TNKS: variants seen among roughly 807,000 people sequenced by gnomAD.
TNKS encodes the protein tankyrase, also known as poly [ADP-ribose] polymerase tankyrase-1.
TNKS carries 72 observed loss-of-function variants against 135.8 expected under a neutral mutation model. That is an observed-to-expected ratio of 0.53 (90% CI 0.44 to 0.64). The LOEUF is 0.64. TNKS is among the 30% of genes least tolerant of loss of function. TNKS has a pLI of 0.00. For missense variants in TNKS, 1,769 were observed against 1,674.0 expected (o/e 1.06, Z -0.99); for synonymous variants, 849 against 649.3 (o/e 1.31, Z -4.68).
intron 3 of TNKS, among the ~76,000 whole-genome samples, chr8:9,667,891 C>T (rs1802075727): frequency 1.4e-5 from 2 of 146,280 alleles, no homozygotes; most frequent in South Asian, 2.1e-4. Flanking sequence ...CTTTGAATCA[C>T]GTCATTTATT....
At position 9,726,682 on chromosome 8, in the gene TNKS, T is replaced by C. The variant is rs1805179849; in HGVS notation, c.1963T>C (p.Leu655=). 1 of 1,613,658 alleles carries C rather than the reference T, an allele frequency of 6.2e-7. No homozygotes were observed. Among genetic ancestry groups the C allele is most frequent in the African/African-American group, 1.3e-5 (1 of 75,038 alleles). Residue 655 remains leucine (L), a synonymous_variant, in exon 13 of 27, where the codon TTA becomes CTA. Transcript: ENST00000310430. ...IRTSDVDYRL[L]EASKAGDLET... ...TACTTCTGATGTTGATTATCGACTC[T>C]TAGAGGCATCTAAAGCTGGAGACTT...
intron 5 of TNKS, among the ~76,000 whole-genome samples, chr8:9,699,708 G>C (rs948632293): frequency 8.5e-5 from 13 of 152,124 alleles, no homozygotes; most frequent in Non-Finnish European, 1.6e-4. Context: ...TGCTGACAGC[G>C]TCATCATTTC....
intron 3 of TNKS, among the ~76,000 whole-genome samples, chr8:9,655,969 G>C (rs867466781): frequency 6.6e-6 from 1 of 152,096 alleles, no homozygotes; most frequent in Non-Finnish European, 1.5e-5. Flanking sequence ...GGTTTGAACC[G>C]ATGGCAAAGA....
chr8:9,752,639 G>GTA lies in TNKS; in HGVS notation c.3153+19_3153+20dup. 1 of 1,552,900 alleles carries GTA rather than the reference G, an allele frequency of 6.4e-7. No individual in the cohort carries two copies. Among genetic ancestry groups the GTA allele is most frequent in the Non-Finnish European group, 8.9e-7 (1 of 1,128,210 alleles). ...TGAAACAGAACAGGTAAATACTCTT[G>GTA]TATATATTTGAGTCATTTAAATTAA... On this transcript the variant is annotated intron_variant, in intron 20 of 26. Coordinates refer to ENST00000310430, the MANE Select transcript of TNKS (RefSeq NM_003747.3).
At chr8:9,588,142 A>G (rs1798457432) in intron 2 of TNKS, among the ~76,000 whole-genome samples, 1 of 152,224 alleles carries the variant, frequency 6.6e-6, no homozygotes, top group South Asian at 2.1e-4. Flanking sequence ...CTTAAAAAAA[A>G]TAAATTTTGT....
At chr8:9,585,941 A>G (rs563090397) in intron 2 of TNKS, among the ~76,000 whole-genome samples, 2 of 152,144 alleles carry the variant, frequency 1.3e-5, no homozygotes, top group Non-Finnish European at 2.9e-5. Flanking sequence ...TCCTTGAGTG[A>G]GTTGTTTACT....
chr8:9,755,950 T>C (rs975988034), intron 20 of TNKS, among the ~76,000 whole-genome samples: 4 of 152,228 alleles, frequency 2.6e-5, no homozygotes, highest in African/African-American at 9.6e-5. Flanking sequence ...CTATGTTGAA[T>C]AATATAGTAT....
At chr8:9,685,001 C>T (rs1286751626) in intron 5 of TNKS, among the ~76,000 whole-genome samples, 1 of 152,036 alleles carries the variant, frequency 6.6e-6, no homozygotes, top group Non-Finnish European at 1.5e-5. Flanking sequence ...GTATACCCTT[C>T]TGTAAGAAAC....
At chr8:9,772,425 T>C (rs1202711919) in intron 26 of TNKS, 6 of 455,560 alleles carry the variant, frequency 1.3e-5, no homozygotes, top group South Asian at 7.7e-5. Flanking sequence ...ATACATGATG[T>C]AAGTCTAATC....
In TNKS at chr8:9,556,412, G is replaced by T. The variant is rs748243099; in HGVS notation, c.473G>T (p.Gly158Val). Residue 158 changes from glycine (G) to valine (V), a missense_variant, in exon 1 of 27, where the codon GGA becomes GTA. This residue lies in a region of TNKS where 450 missense variants were observed against 304.9 expected (regional missense o/e 1.48). Coordinates refer to ENST00000310430, the MANE Select transcript of TNKS (RefSeq NM_003747.3). ...SSLAESPEAA[G>V]VSSTAPLGPG... ...TTGGCGGAGAGCCCCGAGGCGGCCGGAGTTAGCAGCACAGCACCACTGGGG... is the reference window on the plus strand; with the variant it reads ...TTGGCGGAGAGCCCCGAGGCGGCCGTAGTTAGCAGCACAGCACCACTGGGG... 5.0e-6 allele frequency: 8 copies of T among 1,614,084 alleles called. No individual in the cohort carries two copies. Among genetic ancestry groups the T allele is most frequent in the Non-Finnish European group, 2.5e-6 (3 of 1,180,046 alleles).
rs1800718532 is a variant in TNKS, at chr8:9,641,240, ATG to A, written c.994+25567_994+25568del. Among the ~76,000 whole-genome samples, 3 of 145,112 alleles carry A rather than the reference ATG, an allele frequency of 2.1e-5. 1 individual carries two copies. The South Asian group carries it at 6.6e-4, about 32-fold the overall frequency. Reference sequence around the variant, plus strand: ...TTCATCCCCAGCATTTAGGAGTTGAATGTGTTGTTAACTTTTTATATATGCAT... The same window carrying A: ...TTCATCCCCAGCATTTAGGAGTTGAATGTTGTTAACTTTTTATATATGCAT... On this transcript the variant is annotated intron_variant, in intron 3 of 26. Coordinates refer to ENST00000310430, the MANE Select transcript of TNKS (RefSeq NM_003747.3).
chr8:9,604,352 A>C (rs571051096), intron 2 of TNKS, among the ~76,000 whole-genome samples: 2 of 152,270 alleles, frequency 1.3e-5, no homozygotes, highest in East Asian at 1.9e-4. Context: ...AACATAATTT[A>C]ATTGATATCA....
chr8:9,754,134 T>G (rs1286934766), intron 20 of TNKS, among the ~76,000 whole-genome samples: 1 of 152,160 alleles, frequency 6.6e-6, no homozygotes, highest in Non-Finnish European at 1.5e-5. Flanking sequence ...TTAACATAAT[T>G]TCGTCTGCAG....
At chr8:9,666,910 A>C (rs188010448) in intron 3 of TNKS, among the ~76,000 whole-genome samples, 1 of 152,144 alleles carries the variant, frequency 6.6e-6, no homozygotes, top group Non-Finnish European at 1.5e-5. Flanking sequence ...TTTTCAGTGT[A>C]TAGAGGTATG....
chr8:9,773,081 C>T (rs1047728628), intron 26 of TNKS, among the ~76,000 whole-genome samples: 1 of 151,626 alleles, frequency 6.6e-6, no homozygotes, highest in Non-Finnish European at 1.5e-5. Flanking sequence ...TCATATTTTT[C>T]TGTTTAAATC....
chr8:9,578,973 T>C (rs1043260606), intron 1 of TNKS, among the ~76,000 whole-genome samples: 7 of 152,230 alleles, frequency 4.6e-5, no homozygotes, highest in African/African-American at 1.7e-4. Context: ...TTCTTCTCCG[T>C]TGATCTCATT....
chr8:9,690,054 C>T (rs1803190120), intron 5 of TNKS, among the ~76,000 whole-genome samples: 1 of 152,190 alleles, frequency 6.6e-6, no homozygotes, highest in South Asian at 2.1e-4. Flanking sequence ...CATCAAGTTA[C>T]ATCAGACCAA....
At chr8:9,694,350 A>G (rs183602426) in intron 5 of TNKS, among the ~76,000 whole-genome samples, 124 of 152,318 alleles carry the variant, frequency 8.1e-4, no homozygotes, top group African/African-American at 2.8e-3. Context: ...CTCTTTTCTC[A>G]GTGAACTCAC....
At chr8:9,564,805 G>T (rs1430545425) in intron 1 of TNKS, among the ~76,000 whole-genome samples, 1 of 152,166 alleles carries the variant, frequency 6.6e-6, no homozygotes, top group African/African-American at 2.4e-5. Flanking sequence ...AGATAAGATG[G>T]GTTGGAGTCT....
Sources: gnomAD v4.1 joint callset for allele counts (sites outside exome capture counted in the v4.1 genomes callset) on GRCh38, gnomAD v4.1.1 for gene constraint, gnomAD v4.1.1 regional missense constraint, MANE v1.5 for transcripts, NCBI Gene and HGNC (gene_info 2026-07-23, HGNC 2026-07-21) for gene names.